TMEM196: variants seen among roughly 807,000 people sequenced by gnomAD.
The protein encoded by TMEM196 is transmembrane protein 196.
TMEM196 carries 17 observed loss-of-function variants against 20.0 expected under a neutral mutation model. The observed-to-expected ratio is 0.85, with a 90% confidence interval of 0.58 to 1.27. TMEM196 has a LOEUF of 1.27. TMEM196 is among the 50% of genes most tolerant of loss of function. The probability of loss-of-function intolerance (pLI) is 0.00; values close to 1 mark genes in which losing one functional copy is unlikely to be tolerated. For missense variants in TMEM196, 267 were observed against 223.0 expected (o/e 1.20, Z -1.26); for synonymous variants, 113 against 88.9 (o/e 1.27, Z -1.52).
rs541198542 is a variant in TMEM196 at position 19,750,677 on chromosome 7, A to T, written c.148-21239T>A. 2.6e-5 allele frequency among the ~76,000 whole-genome samples: 4 copies of T among 152,258 alleles called. No individual in the cohort carries two copies. In the South Asian group the frequency reaches 8.3e-4, roughly 32 times the overall value. On this transcript the variant is annotated intron_variant, in intron 1 of 4. Coordinates refer to ENST00000405844, the MANE Select transcript of TMEM196 (RefSeq NM_001363562.2). ...CTACAGTGCTTAGCAGTCTATAAAC[A>T]AGTACCATTCATTATGCAATTTATT...
intron 1 of TMEM196, among the ~76,000 whole-genome samples, chr7:19,748,263 CAAAAAAAAA>C (rs57276805): frequency 1.0e-3 from 21 of 20,780 alleles, no homozygotes; most frequent in Admixed American, 3.0e-3. Context: ...TGTGGCTGTC[CAAAAAAAAA>C]AAAAAAAAAA....
At position 19,729,409 on chromosome 7, in the gene TMEM196, C is replaced by T. The variant is rs1356674808; in HGVS notation, c.177G>A (p.Leu59=). The T allele has an allele frequency of 6.5e-7, 1 of 1,549,854 alleles. No homozygotes were observed. Among genetic ancestry groups the T allele is most frequent in the South Asian group, 1.2e-5 (1 of 83,996 alleles). Residue 59 remains leucine, a synonymous_variant, in exon 2 of 5, where the codon TTG becomes TTA. Coordinates refer to ENST00000405844, the MANE Select transcript of TMEM196 (RefSeq NM_001363562.2). ...PFLLCGICGI[L]CAKKKSGLVM... The stretch of plus-strand genomic sequence containing the variant: ...CAAGTCCTGATTTTTTTTTGGCACA[C>T]AATATTCCACAAATGCCACAAAGAA...
chr7:19,771,309 G>A (rs190750723), intron 1 of TMEM196, among the ~76,000 whole-genome samples: 3 of 152,082 alleles, frequency 2.0e-5, no homozygotes, highest in Admixed American at 6.5e-5. Flanking sequence ...AGGATTCTTG[G>A]ATGAATTCAA....
At chr7:19,763,175 C>T (rs1785498527) in intron 1 of TMEM196, among the ~76,000 whole-genome samples, 1 of 152,160 alleles carries the variant, frequency 6.6e-6, no homozygotes, top group Non-Finnish European at 1.5e-5. Flanking sequence ...ATCACTAAAG[C>T]CTAAATCCTT....
rs1783980339 is a variant in TMEM196, at chr7:19,725,765, T to C, written c.208A>G (p.Ile70Val). The C allele has an allele frequency of 7.5e-6, 12 of 1,590,364 alleles. No homozygotes were observed. Among genetic ancestry groups the C allele is most frequent in the Non-Finnish European group, 1.0e-5 (12 of 1,163,928 alleles). The part of the protein sequence containing the change: ...CAKKKSGLVM[I>V]LFSACCICGL... ...CAGATACAGCAGGCTGAAAAGAGGA[T>C]CATCTGATAAGAAAAAGAAAGGCAG... Residue 70 changes from isoleucine (I) to valine (V), a missense_variant, in exon 3 of 5, where the codon ATC (isoleucine) becomes GTC (valine). Physicochemically the swap from Ile to Val is conservative, Grantham distance 29 (BLOSUM62 3). Coordinates refer to ENST00000405844, the MANE Select transcript of TMEM196 (RefSeq NM_001363562.2).
At chr7:19,754,030 A>G (rs1785100765) in intron 1 of TMEM196, among the ~76,000 whole-genome samples, 1 of 152,150 alleles carries the variant, frequency 6.6e-6, no homozygotes, top group Non-Finnish European at 1.5e-5. Flanking sequence ...AACTATATTT[A>G]TGTGGATTGA....
At chr7:19,762,880 C>G (rs890558302) in intron 1 of TMEM196, among the ~76,000 whole-genome samples, 2 of 152,166 alleles carry the variant, frequency 1.3e-5, no homozygotes, top group African/African-American at 4.8e-5. Context: ...GAATGTTCAT[C>G]CAACATGCAT....
chr7:19,724,476 C>T (rs777702447), intron 3 of TMEM196, 123 bp from the exon 4 acceptor site: 27 of 804,346 alleles, frequency 3.4e-5, no homozygotes, highest in Non-Finnish European at 5.1e-5. Context: ...AAATGGTCAT[C>T]TATTTTTAAC....
chr7:19,740,177 G>A (rs887753186), intron 1 of TMEM196, among the ~76,000 whole-genome samples: 6 of 152,134 alleles, frequency 3.9e-5, no homozygotes, highest in Non-Finnish European at 7.4e-5. Context: ...AAAAATATAT[G>A]AGAAAGATTA....
intron 2 of TMEM196, among the ~76,000 whole-genome samples, chr7:19,726,260 T>G (rs998105062): frequency 2.6e-5 from 4 of 152,222 alleles, no homozygotes; most frequent in African/African-American, 7.2e-5. Flanking sequence ...ATTCCAAATC[T>G]ACTTTCACTG....
chr7:19,755,124 T>G (rs1009543649), intron 1 of TMEM196, among the ~76,000 whole-genome samples: 15 of 152,218 alleles, frequency 9.9e-5, no homozygotes, highest in African/African-American at 3.1e-4. Context: ...TTTTTGAACA[T>G]CAGGATTCAG....
intron 1 of TMEM196, among the ~76,000 whole-genome samples, chr7:19,742,785 G>A (rs1013448053): frequency 6.6e-6 from 1 of 152,066 alleles, no homozygotes; most frequent in Non-Finnish European, 1.5e-5. Context: ...AATGACATGG[G>A]GATACTTTTT....
chr7:19,749,639 T>C lies in TMEM196; in HGVS notation c.148-20201A>G, dbSNP rs192292680. The stretch of plus-strand genomic sequence containing the variant: ...GTGAAACAAATGAACATATCCATCA[T>C]CTCTTTCAATGCAAGGAGAGAACAA... On this transcript the variant is annotated intron_variant, in intron 1 of 4. Coordinates refer to ENST00000405844, the MANE Select transcript of TMEM196 (RefSeq NM_001363562.2). 2.5e-4 allele frequency among the ~76,000 whole-genome samples: 38 copies of C among 152,304 alleles called. No homozygotes were observed. The East Asian group carries it at 7.3e-3, about 29-fold the overall frequency.
intron 3 of TMEM196, among the ~76,000 whole-genome samples, chr7:19,725,243 A>T (rs1273143892): frequency 6.6e-6 from 1 of 152,226 alleles, no homozygotes; most frequent in Non-Finnish European, 1.5e-5. Flanking sequence ...AATACATAAA[A>T]ATCCATATTT....
intron 1 of TMEM196, among the ~76,000 whole-genome samples, chr7:19,731,265 A>AT (rs1182501624): frequency 1.3e-5 from 2 of 152,218 alleles, no homozygotes; most frequent in African/African-American, 4.8e-5. Context: ...CCATGAGAAG[A>AT]TAGAAACTCA....
At chr7:19,762,849 A>C (rs779577520) in intron 1 of TMEM196, among the ~76,000 whole-genome samples, 1 of 152,200 alleles carries the variant, frequency 6.6e-6, no homozygotes, top group Non-Finnish European at 1.5e-5. Flanking sequence ...GTTCTTCCCA[A>C]GAATTGCCAA....
Position 19,738,469 on chromosome 7 carries a change from C to G in TMEM196, c.148-9031G>C, listed in dbSNP as rs924047377. Among the ~76,000 whole-genome samples the G allele has an allele frequency of 2.0e-5, 3 of 152,052 alleles. No individual in the cohort carries two copies. In the East Asian group the frequency reaches 5.8e-4, roughly 29 times the overall value. ...GTTTACTGACAAGTCGCAGGAGGAG[C>G]AACATGCCAGTATCAATGAGCACAC... On this transcript the variant is annotated intron_variant, in intron 1 of 4. Coordinates refer to ENST00000405844, the MANE Select transcript of TMEM196 (RefSeq NM_001363562.2).
At chr7:19,738,953 G>A (rs1448241215) in intron 1 of TMEM196, among the ~76,000 whole-genome samples, 1 of 152,114 alleles carries the variant, frequency 6.6e-6, no homozygotes, top group African/African-American at 2.4e-5. Context: ...AGAAAAAAGA[G>A]TAACTTTAGG....
intron 1 of TMEM196, among the ~76,000 whole-genome samples, chr7:19,772,151 T>G (rs555881883): frequency 6.6e-6 from 1 of 152,204 alleles, no homozygotes; most frequent in Non-Finnish European, 1.5e-5. Flanking sequence ...ACTCTTATTT[T>G]GATTTTCCTT....
Sources: gnomAD v4.1 joint callset for allele counts (sites outside exome capture counted in the v4.1 genomes callset) on GRCh38, gnomAD v4.1.1 for gene constraint, MANE v1.5 for transcripts, NCBI Gene and HGNC (gene_info 2026-07-23, HGNC 2026-07-21) for gene names.